Variants in PATJ observed in about 807,000 individuals in gnomAD.
The protein encoded by PATJ is inaD-like protein.
PATJ carries 190 observed loss-of-function variants against 224.9 expected under a neutral mutation model. That is an observed-to-expected ratio of 0.84 (90% CI 0.75 to 0.95). The LOEUF (loss-of-function observed/expected upper bound fraction) is 0.95, where lower values mean the gene tolerates loss of function less well. Among genes scored for constraint, PATJ ranks in the 40% least tolerant of loss-of-function variants. PATJ has a pLI of 0.00. For synonymous variants in PATJ, 769 were observed against 820.3 expected, an observed-to-expected ratio of 0.94 and a Z score of 1.07; for missense variants, 2,121 against 2,270.3, an observed-to-expected ratio of 0.93 and a Z score of 1.34.
chr1:62,038,910 C>A, intron 30 of PATJ: 1 of 949,190 alleles, frequency 1.1e-6, no homozygotes. Context: ...GAGTCCTGTG[C>A]ACAGATTCAC....
rs114885323 is a variant in PATJ at position 62,160,931 on chromosome 1, A to T, written c.5526A>T (p.Arg1842=). 1 of 1,614,096 alleles carries T rather than the reference A, an allele frequency of 6.2e-7. No individual in the cohort carries two copies. Among genetic ancestry groups the T allele is most frequent in the African/African-American group, 1.3e-5 (1 of 75,044 alleles). The change falls in exon 44 of 44, where the codon CGA becomes CGT. Residue 1842 remains arginine (R), a synonymous_variant. Coordinates refer to ENST00000642238, the MANE Select transcript of PATJ (RefSeq NM_001350145.3). ...FAKGAAADDG[R]LKRGDQILAV... is the part of the protein sequence containing the mutation. ...AGGGAGCAGCTGCAGATGACGGCCG[A>T]TTAAAACGAGGGGATCAGATTTTAG... is the stretch of plus-strand genomic sequence containing the variant.
rs201766652 is a variant in PATJ, at chr1:62,128,868, G to A, written c.5194G>A (p.Gly1732Arg). 30 of 1,612,380 alleles carry A rather than the reference G, an allele frequency of 1.9e-5. No homozygotes were observed. The highest frequency in any genetic ancestry group is 2.7e-5 in the African/African-American group (2 of 74,872). The change falls in exon 41 of 44, where the codon GGG (glycine) becomes AGG (arginine). Residue 1732 changes from glycine (G) to arginine (R), a missense_variant. Transcript: ENST00000642238. The stretch of plus-strand genomic sequence containing the variant: ...TGGAGATCGGATTGTCAGCATTAAC[G>A]GGCAACCTTTGGATGGGCTGTCTCA... ...KVGDRIVSIN[G>R]QPLDGLSHAD...
intron 14 of PATJ, among the ~76,000 whole-genome samples, chr1:61,808,816 T>C (rs1654108678): frequency 6.6e-6 from 1 of 152,224 alleles, no homozygotes; most frequent in Non-Finnish European, 1.5e-5. Context: ...CTCACTGTTA[T>C]GAAAGATGAT....
At chr1:62,085,472 A>G (rs1172922069) in intron 33 of PATJ, among the ~76,000 whole-genome samples, 1 of 152,126 alleles carries the variant, frequency 6.6e-6, no homozygotes, top group Non-Finnish European at 1.5e-5. Flanking sequence ...ATTTAAGAGG[A>G]TGCCTCACAC....
chr1:62,043,052 T>C (rs1017086708), intron 30 of PATJ, among the ~76,000 whole-genome samples: 1 of 152,202 alleles, frequency 6.6e-6, no homozygotes, highest in African/African-American at 2.4e-5. Context: ...AGAGTGCTAA[T>C]AAAACACTGA....
intron 14 of PATJ, among the ~76,000 whole-genome samples, chr1:61,811,506 G>A (rs1048149705): frequency 2.0e-5 from 3 of 151,816 alleles, no homozygotes; most frequent in Admixed American, 1.3e-4. Context: ...TTACAGGTGT[G>A]AACCACTGTG....
At chr1:62,132,463 A>G (rs1666361998) in intron 41 of PATJ, among the ~76,000 whole-genome samples, 2 of 152,132 alleles carry the variant, frequency 1.3e-5, no homozygotes, top group Non-Finnish European at 2.9e-5. Flanking sequence ...TCGCCACTGC[A>G]TTCTGGCCTG....
intron 43 of PATJ, among the ~76,000 whole-genome samples, chr1:62,155,828 CAGGCAGATCACGAGGTCCGGAGATCA>C (rs1183195591): frequency 1.1e-3 from 160 of 151,750 alleles, no homozygotes; most frequent in Non-Finnish European, 2.5e-4. Flanking sequence ...GAGGCCGAGG[CAGGCAGATCACGAGGTCCGGAGATCA>C]AGACCATCCT....
chr1:61,801,642 G>A lies in PATJ; in HGVS notation c.1422G>A (p.Leu474=). The change falls in exon 12 of 44, where the codon CTG becomes CTA. Residue 474 remains leucine, a synonymous_variant. Transcript: ENST00000642238. ...TTTTAGGAACTGTTGTAGAACCACTGAAACCACCAGCTCTCTTTCTAACTG... is the reference window on the plus strand; with the variant it reads ...TTTTAGGAACTGTTGTAGAACCACTAAAACCACCAGCTCTCTTTCTAACTG... ...PSDRGTVVEP[L]KPPALFLTGA... The A allele has an allele frequency of 6.3e-7, 1 of 1,585,498 alleles. No homozygotes were observed. The highest frequency in any genetic ancestry group is 8.6e-7 in the Non-Finnish European group (1 of 1,165,066).
chr1:62,024,255 A>G (rs1647333851), intron 29 of PATJ, among the ~76,000 whole-genome samples: 1 of 151,940 alleles, frequency 6.6e-6, no homozygotes, highest in Non-Finnish European at 1.5e-5. Context: ...ATTTTTTTGG[A>G]ATAGTTTCAG....
At chr1:62,033,045 C>G (rs1253951211) in intron 29 of PATJ, among the ~76,000 whole-genome samples, 7 of 152,100 alleles carry the variant, frequency 4.6e-5, no homozygotes, top group African/African-American at 1.7e-4. Flanking sequence ...TCCTTTGACA[C>G]GTGGGGATTA....
chr1:61,744,238 T>G (rs1378959850), intron 1 of PATJ, among the ~76,000 whole-genome samples: 1 of 117,358 alleles, frequency 8.5e-6, no homozygotes, highest in Non-Finnish European at 1.6e-5. Context: ...GAGTGGTGTT[T>G]GCACCACTAC....
At chr1:61,919,388 C>G (rs1361955354) in intron 26 of PATJ, among the ~76,000 whole-genome samples, 1 of 151,740 alleles carries the variant, frequency 6.6e-6, no homozygotes, top group East Asian at 1.9e-4. Flanking sequence ...TCATGGCTCA[C>G]TGCAACCTCA....
chr1:61,869,308 G>A lies in PATJ; in HGVS notation c.2835+4675G>A, dbSNP rs372395247. Among the ~76,000 whole-genome samples, 14 of 151,710 alleles carry A rather than the reference G, an allele frequency of 9.2e-5. No individual in the cohort carries two copies. In the East Asian group the frequency reaches 1.2e-3, roughly 13 times the overall value. ...TTTTTAGTAGAGACGGGGTTTCACC[G>A]TTTTAGCCGGGATGGTCTCGATCTC... On this transcript the variant is annotated intron_variant, in intron 20 of 43. Coordinates refer to ENST00000642238, the MANE Select transcript of PATJ (RefSeq NM_001350145.3).
At chr1:62,067,947 T>A (rs906780479) in intron 31 of PATJ, among the ~76,000 whole-genome samples, 15 of 152,156 alleles carry the variant, frequency 9.9e-5, no homozygotes, top group Non-Finnish European at 1.9e-4. Context: ...ACCACAGGTG[T>A]GCACCACCAT....
chr1:61,941,791 TTTTACTCTGGTAGTAA>T (rs1677863125), intron 27 of PATJ, among the ~76,000 whole-genome samples: 1 of 152,230 alleles, frequency 6.6e-6, no homozygotes, highest in African/African-American at 2.4e-5. Context: ...TATTTTAATA[TTTTACTCTGGTAGTAA>T]TAACCATTCT....
chr1:62,158,354 G>A (rs1669455287), intron 43 of PATJ, among the ~76,000 whole-genome samples: 1 of 148,788 alleles, frequency 6.7e-6, no homozygotes, highest in South Asian at 2.3e-4. Flanking sequence ...AATCATCCTG[G>A]CTGGGCACGG....
At chr1:62,150,077 G>A (rs1044508180) in intron 42 of PATJ, among the ~76,000 whole-genome samples, 1 of 152,176 alleles carries the variant, frequency 6.6e-6, no homozygotes, top group Admixed American at 6.5e-5. Flanking sequence ...CTTTGGAAAT[G>A]GGGGCTGTGT....
At position 61,823,000 on chromosome 1, in the gene PATJ, A is replaced by G; in HGVS notation, c.1739A>G (p.His580Arg). The change falls in exon 15 of 44, where the codon CAC becomes CGC. Residue 580 changes from histidine to arginine, a missense_variant. Transcript: ENST00000642238. ...GTGGAAGTGGATTCCTTTGATGGGC[A>G]CCATTATATTTCTTCAATTGTTTCT... ...LGVEVDSFDGHHYISSIVSGG... is the reference protein window; with the variant it reads ...LGVEVDSFDGRHYISSIVSGG... The G allele has an allele frequency of 6.2e-7, 1 of 1,613,984 alleles. No individual in the cohort carries two copies. The highest frequency in any genetic ancestry group is 8.5e-7 in the Non-Finnish European group (1 of 1,179,910).
Sources: allele counts gnomAD v4.1 joint callset (sites outside exome capture counted in the v4.1 genomes callset), GRCh38; gene constraint gnomAD v4.1.1; transcripts MANE v1.5; gene names NCBI Gene and HGNC (gene_info 2026-07-23, HGNC 2026-07-21).